Variants in CFAP65 observed in about 807,000 individuals in gnomAD.
CFAP65 encodes the protein cilia and flagella associated protein 65.
In CFAP65, 155 loss-of-function variants were observed where a neutral mutation model predicts 208.0. The observed-to-expected ratio is 0.75, with a 90% CI of 0.65 to 0.85. The LOEUF is 0.85. CFAP65 is among the 40% of genes least tolerant of loss of function. CFAP65 has a pLI of 0.00. For synonymous variants in CFAP65, 970 were observed against 986.3 expected (o/e 0.98, Z 0.31); for missense variants, 2,294 against 2,451.3 (o/e 0.94, Z 1.36).
chr2:219,011,026 A>C, intron 24 of CFAP65, 30 bp from the exon 25 acceptor site: 1 of 1,574,566 alleles, frequency 6.4e-7, no homozygotes, highest in Non-Finnish European at 8.7e-7. Flanking sequence ...GAAAATTGCC[A>C]CATCAGCTCA....
Position 219,004,834 on chromosome 2 carries a change from G to GC in CFAP65, c.5052-380_5052-379insG, listed in dbSNP as rs992266079. Among the ~76,000 whole-genome samples the GC allele has an allele frequency of 6.8e-6, 1 of 147,576 alleles. No homozygotes were observed. Among genetic ancestry groups the GC allele is most frequent in the Non-Finnish European group, 1.5e-5 (1 of 66,544 alleles). ...ACTGTCCTGGGGTGGGGGGGCCGGGGGGGGGGACCGTGGTGGGATCTTGCA... is the reference window on the plus strand; with the variant it reads ...ACTGTCCTGGGGTGGGGGGGCCGGGGCGGGGGGACCGTGGTGGGATCTTGCA... On this transcript the variant is annotated intron_variant, in intron 32 of 34. Coordinates refer to ENST00000341552, the MANE Select transcript of CFAP65 (RefSeq NM_194302.4). This position sits in a 1 kb window ranked among gnomAD's most constrained non-coding sequence, Gnocchi z 4.7.
Position 219,010,126 on chromosome 2 carries a change from A to G in CFAP65, c.4309-41T>C, listed in dbSNP as rs764001319. On this transcript the variant is annotated intron_variant, in intron 26 of 34. Transcript: ENST00000341552. ...GGAGGTAAAGAAATAAGAACCGGCCAGGCATGGTGGCTCACGCCTGTAATC... is the reference window on the plus strand; with the variant it reads ...GGAGGTAAAGAAATAAGAACCGGCCGGGCATGGTGGCTCACGCCTGTAATC... 1.1e-5 allele frequency: 17 copies of G among 1,540,934 alleles called. No homozygotes were observed. The African/African-American group carries it at 1.4e-4, about 13-fold the overall frequency.
intron 9 of CFAP65, 136 bp from the exon 10 acceptor site, chr2:219,030,344 C>G: frequency 3.3e-6 from 3 of 909,334 alleles, no homozygotes; most frequent in Non-Finnish European, 5.2e-6. Context: ...CCCCACTGGC[C>G]AGACTGCCTC....
rs1553521569 is a variant in CFAP65, at chr2:219,010,913, AT to A, written c.4040del (p.Asn1347IlefsTer63). 6 of 1,613,806 alleles carry A rather than the reference AT, an allele frequency of 3.7e-6. No individual in the cohort carries two copies. Among genetic ancestry groups the A allele is most frequent in the Non-Finnish European group, 5.1e-6 (6 of 1,180,002 alleles). On this transcript the variant is annotated frameshift_variant, in exon 25 of 35. Transcript: ENST00000341552. LOFTEE classifies it high-confidence loss of function. ...TDVLSQVQEK[N>X]FDHPIFCCLN... ...GGCAGCAAAAGATGGGGTGATCAAA[AT>A]TTTTTTCCTGAACCTGTGACAGGAC...
At position 219,028,656 on chromosome 2, in the gene CFAP65, T is replaced by C. The variant is rs1947818169; in HGVS notation, c.1651-255A>G. Among the ~76,000 whole-genome samples the C allele has an allele frequency of 2.6e-5, 4 of 152,134 alleles. No homozygotes were observed. In the South Asian group the frequency reaches 8.3e-4, roughly 32 times the overall value. On this transcript the variant is annotated intron_variant, in intron 11 of 34. Transcript: ENST00000341552. ...CATTACCCACCCTTCCTCTCTGCCA[T>C]GGCCCCTGGGCATTCTCCCACCCAC... is the stretch of plus-strand genomic sequence containing the variant.
rs1948093385 is a variant in CFAP65 at position 219,032,143 on chromosome 2, A to T, written c.645+327T>A. ...GCCATGTCGGCCAGGCTGGTCTCGA[A>T]CTCCTGGCCTCAAGTGACCTGCCTG... On this transcript the variant is annotated intron_variant, in intron 6 of 34. Coordinates refer to ENST00000341552, the MANE Select transcript of CFAP65 (RefSeq NM_194302.4). The surrounding 1 kb of genome is among the most constrained non-coding windows in gnomAD (Gnocchi z 5.5). Among the ~76,000 whole-genome samples the T allele has an allele frequency of 6.6e-6, 1 of 151,710 alleles. No homozygotes were observed. Among genetic ancestry groups the T allele is most frequent in the Non-Finnish European group, 1.5e-5 (1 of 67,912 alleles).
intron 17 of CFAP65, 36 bp downstream of exon 17, chr2:219,022,134 TC>T: frequency 1.3e-6 from 2 of 1,529,928 alleles, no homozygotes; most frequent in Non-Finnish European, 1.8e-6. Flanking sequence ...TCCGGGCCTC[TC>T]CCCCAGCCCC....
chr2:219,006,418 C>G, intron 30 of CFAP65, 47 bp downstream of exon 30: 1 of 1,606,268 alleles, frequency 6.2e-7, no homozygotes, highest in Non-Finnish European at 8.5e-7. Context: ...AAGCAAGGAC[C>G]CTCCCAAGTT....
intron 16 of CFAP65, 124 bp downstream of exon 16, chr2:219,023,083 G>C (rs1947373760): frequency 2.6e-6 from 2 of 778,090 alleles, no homozygotes; most frequent in Non-Finnish European, 4.4e-6. Flanking sequence ...CTCATCGCCA[G>C]GTGGGGGAAG....
At chr2:219,020,215 G>T (rs1203514616) in intron 19 of CFAP65, among the ~76,000 whole-genome samples, 2 of 151,996 alleles carry the variant, frequency 1.3e-5, no homozygotes, top group Middle Eastern at 3.2e-3. Flanking sequence ...GCCTATTCTG[G>T]ACATTTCATA....
intron 22 of CFAP65, 54 bp downstream of exon 22, chr2:219,013,814 G>C (rs975103917): frequency 1.3e-6 from 2 of 1,489,344 alleles, no homozygotes; most frequent in Non-Finnish European, 1.8e-6. Flanking sequence ...TGAAATGCCC[G>C]GGGTAGGGGC....
intron 5 of CFAP65, chr2:219,034,109 A>G (rs1407273207): frequency 6.6e-6 from 1 of 152,224 alleles, no homozygotes; most frequent in African/African-American, 2.4e-5. Context: ...CAGGAAAGAT[A>G]ACCTAATGAA....
intron 1 of CFAP65, 29 bp downstream of exon 1, chr2:219,041,459 G>T: frequency 6.5e-7 from 1 of 1,550,348 alleles, no homozygotes; most frequent in Non-Finnish European, 8.7e-7. Context: ...TGAGACCCTG[G>T]GACCTTGGGA....
In CFAP65 at chr2:219,026,127, GTCC is replaced by G. The variant is rs1947615297; in HGVS notation, c.2241_2243del (p.Glu747del). 4.3e-6 allele frequency: 7 copies of G among 1,613,940 alleles called. No individual in the cohort carries two copies. Among genetic ancestry groups the G allele is most frequent in the Non-Finnish European group, 5.1e-6 (6 of 1,179,926 alleles). On this transcript the variant is annotated inframe_deletion, in exon 14 of 35. Transcript: ENST00000341552. ...GGCACCAGGATGGGCACATGGTGCA[GTCC>G]TCCTCAATATTACTGTAGCTCTGCA... is the stretch of plus-strand genomic sequence containing the variant.
At position 219,040,551 on chromosome 2, in the gene CFAP65, C is replaced by T. The variant is rs762529741; in HGVS notation, c.-35G>A. ...TGTGAACTGGACGTTCAGATGAAAT[C>T]AAAGAAATGTAAGCTGAGGAGACAC... On this transcript the variant is annotated 5_prime_UTR_variant, in exon 2 of 35. Coordinates refer to ENST00000341552, the MANE Select transcript of CFAP65 (RefSeq NM_194302.4). The T allele has an allele frequency of 6.5e-6, 10 of 1,549,564 alleles. 1 individual carries two copies. Among genetic ancestry groups the T allele is most frequent in the Non-Finnish European group, 8.7e-6 (10 of 1,145,232 alleles).
At chr2:219,016,329 C>G (rs1447948609) in intron 21 of CFAP65, among the ~76,000 whole-genome samples, 1 of 122,462 alleles carries the variant, frequency 8.2e-6, no homozygotes, top group Non-Finnish European at 1.6e-5. Context: ...CAGTCTCACT[C>G]TGTCACCCAG....
intron 1 of CFAP65, 94 bp downstream of exon 1, chr2:219,041,394 C>G: frequency 1.4e-6 from 2 of 1,408,114 alleles, no homozygotes; most frequent in Non-Finnish European, 2.0e-6. Flanking sequence ...CACGATTTCC[C>G]GAAGGATAGG....
chr2:219,009,327 C>T lies in CFAP65; in HGVS notation c.4566+20G>A. 1.9e-6 allele frequency: 3 copies of T among 1,582,794 alleles called. No homozygotes were observed. The highest frequency in any genetic ancestry group is 2.6e-6 in the Non-Finnish European group (3 of 1,152,740). On this transcript the variant is annotated intron_variant, in intron 28 of 34. Transcript: ENST00000341552. ...GGAGCCATGCCTCCATCCCACTTTACCCCTGGGGCTGGTTCCTACCTTGCA... is the reference window on the plus strand; with the variant it reads ...GGAGCCATGCCTCCATCCCACTTTATCCCTGGGGCTGGTTCCTACCTTGCA...
intron 5 of CFAP65, 33 bp downstream of exon 5, chr2:219,035,447 T>C: frequency 6.2e-7 from 1 of 1,614,170 alleles, no homozygotes; most frequent in South Asian, 1.1e-5. Flanking sequence ...CTCAAGGCTG[T>C]GGCACTGGGT....
Sources: allele counts gnomAD v4.1 joint callset (sites outside exome capture counted in the v4.1 genomes callset), GRCh38; gene constraint gnomAD v4.1.1; non-coding constraint Gnocchi (gnomAD v3.1); transcripts MANE v1.5; gene names NCBI Gene and HGNC (gene_info 2026-07-23, HGNC 2026-07-21).